Variants in JAK2 observed in about 807,000 individuals in gnomAD.
JAK2 encodes tyrosine-protein kinase JAK2.
JAK2 carries 86 observed loss-of-function variants against 139.3 expected under a neutral mutation model. That is an observed-to-expected ratio of 0.62 (90% CI 0.52 to 0.74). The LOEUF is 0.74. JAK2 is among the 30% of genes least tolerant of loss of function. The pLI is 0.00. For synonymous variants in JAK2, 490 were observed against 437.7 expected (o/e 1.12, Z -1.49); for missense variants, 1,421 against 1,360.3 (o/e 1.04, Z -0.70).
At chr9:5,008,510 T>C (rs1312059887) in intron 2 of JAK2, among the ~76,000 whole-genome samples, 2 of 152,150 alleles carry the variant, frequency 1.3e-5, no homozygotes, top group Admixed American at 6.5e-5. Context: ...TCTAAAGAAA[T>C]ATAAAATGAT....
At chr9:5,122,565 T>C (rs1823697098) in intron 22 of JAK2, among the ~76,000 whole-genome samples, 1 of 152,114 alleles carries the variant, frequency 6.6e-6, no homozygotes, top group Non-Finnish European at 1.5e-5. Flanking sequence ...GTTATCTTTC[T>C]ATGTCAGAGA....
intron 2 of JAK2, among the ~76,000 whole-genome samples, chr9:5,004,041 G>A (rs1483091833): frequency 2.0e-5 from 3 of 151,886 alleles, no homozygotes; most frequent in Admixed American, 1.3e-4. Context: ...TTGTATATAT[G>A]GTGTACAACA....
chr9:5,064,445 G>A (rs1020459333), intron 8 of JAK2, among the ~76,000 whole-genome samples: 5 of 151,386 alleles, frequency 3.3e-5, no homozygotes, highest in African/African-American at 7.3e-5. Flanking sequence ...TGGGTGGATC[G>A]CTTGAGCCTG....
chr9:5,112,559 C>T (rs1822701706), intron 22 of JAK2: 2 of 630,560 alleles, frequency 3.2e-6, no homozygotes, highest in Non-Finnish European at 5.5e-6. Flanking sequence ...GCCAATAACG[C>T]CAGGGAGCGG....
At chr9:5,107,383 A>G (rs997523281) in intron 22 of JAK2, among the ~76,000 whole-genome samples, 4 of 152,094 alleles carry the variant, frequency 2.6e-5, no homozygotes, top group African/African-American at 9.7e-5. Context: ...CTTTTCCATA[A>G]AATTCTTCCT....
Position 5,118,117 on chromosome 9 carries a change from C to G in JAK2, c.3060-4887C>G, listed in dbSNP as rs577721144. Among the ~76,000 whole-genome samples, 8 of 152,256 alleles carry G rather than the reference C, an allele frequency of 5.3e-5. No individual in the cohort carries two copies. The South Asian group carries it at 1.7e-3, about 32-fold the overall frequency. Reference sequence around the variant, plus strand: ...TAGTGCTTGCAGTGAGCGGAGACCTCGCCACTGCACTCCAGCCTGGGCGAC... The same window carrying G: ...TAGTGCTTGCAGTGAGCGGAGACCTGGCCACTGCACTCCAGCCTGGGCGAC... On this transcript the variant is annotated intron_variant, in intron 22 of 24. Coordinates refer to ENST00000381652, the MANE Select transcript of JAK2 (RefSeq NM_004972.4).
intron 22 of JAK2, among the ~76,000 whole-genome samples, chr9:5,118,427 C>G (rs1823368976): frequency 6.6e-6 from 1 of 152,148 alleles, no homozygotes; most frequent in Non-Finnish European, 1.5e-5. Flanking sequence ...CTGTGACCAA[C>G]AAACTTGTAA....
In JAK2 at chr9:5,078,390, C is replaced by G. The variant is rs1418871645; in HGVS notation, c.2077C>G (p.Pro693Ala). ...REEDRKTGNP[P>A]FIKLSDPGIS... ...AGAAGACAGGAAGACAGGAAATCCT[C>G]CTTTCATCAAACTTAGTGATCCTGG... The change falls in exon 16 of 25, where the codon CCT (proline) becomes GCT (alanine). Residue 693 changes from proline to alanine, a missense_variant. Coordinates refer to ENST00000381652, the MANE Select transcript of JAK2 (RefSeq NM_004972.4). The G allele has an allele frequency of 6.2e-7, 1 of 1,613,126 alleles. No homozygotes were observed. Among genetic ancestry groups the G allele is most frequent in the Non-Finnish European group, 8.5e-7 (1 of 1,179,314 alleles).
intron 8 of JAK2, among the ~76,000 whole-genome samples, chr9:5,059,542 G>T (rs1313690031): frequency 6.6e-6 from 1 of 151,984 alleles, no homozygotes; most frequent in African/African-American, 2.4e-5. Context: ...ATATTTTTTG[G>T]TGGACTTATG....
chr9:5,084,704 T>G (rs1476048282), intron 19 of JAK2, among the ~76,000 whole-genome samples: 1 of 152,224 alleles, frequency 6.6e-6, no homozygotes, highest in Non-Finnish European at 1.5e-5. Flanking sequence ...TTAACATGGA[T>G]TATTTGTGTA....
chr9:5,020,744 A>C (rs1191832512), intron 2 of JAK2, among the ~76,000 whole-genome samples: 1 of 152,066 alleles, frequency 6.6e-6, no homozygotes, highest in Non-Finnish European at 1.5e-5. Flanking sequence ...TGCTGGGAGC[A>C]GTGGGGTTAT....
intron 22 of JAK2, among the ~76,000 whole-genome samples, chr9:5,105,922 T>C (rs1821915982): frequency 6.6e-6 from 1 of 152,198 alleles, no homozygotes; most frequent in Non-Finnish European, 1.5e-5. Flanking sequence ...TCAAGATGGA[T>C]TAAAGACTTA....
rs1465730575 is a variant in JAK2 at position 5,129,419 on chromosome 9, G to GTCTT, written c.*2630_*2633dup. Among the ~76,000 whole-genome samples the GTCTT allele has an allele frequency of 6.6e-6, 1 of 152,042 alleles. No homozygotes were observed. Among genetic ancestry groups the GTCTT allele is most frequent in the Non-Finnish European group, 1.5e-5 (1 of 67,952 alleles). ...TACAACTGCTGTCAACCACTGTATT[G>GTCTT]TCTTTAATGAACACTGTTGTATCCC... On this transcript the variant is annotated 3_prime_UTR_variant, in exon 25 of 25. Transcript: ENST00000381652.
At chr9:5,056,705 TA>T (rs1372853291) in intron 8 of JAK2, among the ~76,000 whole-genome samples, 1 of 152,154 alleles carries the variant, frequency 6.6e-6, no homozygotes, top group Non-Finnish European at 1.5e-5. Context: ...TATGGATGCA[TA>T]AAAGGATGAT....
At chr9:5,040,354 C>A (rs1816391387) in intron 4 of JAK2, among the ~76,000 whole-genome samples, 1 of 150,962 alleles carries the variant, frequency 6.6e-6, no homozygotes, top group Non-Finnish European at 1.5e-5. Context: ...TATTAAAACT[C>A]CAAGAAGAAA....
At chr9:5,031,183 C>G (rs567534999) in intron 4 of JAK2, among the ~76,000 whole-genome samples, 14 of 152,194 alleles carry the variant, frequency 9.2e-5, no homozygotes, top group African/African-American at 3.4e-4. Context: ...AAAATCCTAA[C>G]AAAGGCATTT....
At chr9:5,034,021 G>C (rs570794083) in intron 4 of JAK2, among the ~76,000 whole-genome samples, 5 of 152,196 alleles carry the variant, frequency 3.3e-5, no homozygotes, top group African/African-American at 1.2e-4. Context: ...ACACACATAG[G>C]CTCAAAATAA....
chr9:5,071,167 T>C (rs1353411259), intron 12 of JAK2, among the ~76,000 whole-genome samples: 1 of 152,162 alleles, frequency 6.6e-6, no homozygotes, highest in Non-Finnish European at 1.5e-5. Context: ...CTCCTAATAT[T>C]GTGTGGTGCT....
chr9:4,992,164 A>G (rs910582488), intron 2 of JAK2, among the ~76,000 whole-genome samples: 1 of 152,186 alleles, frequency 6.6e-6, no homozygotes, highest in East Asian at 1.9e-4. Flanking sequence ...CTTCACTCAC[A>G]TGATGGGTAG....
Sources: gnomAD v4.1 joint callset for allele counts (sites outside exome capture counted in the v4.1 genomes callset) on GRCh38, gnomAD v4.1.1 for gene constraint, MANE v1.5 for transcripts, NCBI Gene and HGNC (gene_info 2026-07-23, HGNC 2026-07-21) for gene names.